Variants in SLX4 observed in about 807,000 individuals in gnomAD.
SLX4 encodes structure-specific endonuclease subunit SLX4.
In SLX4, 112 loss-of-function variants were observed where a neutral mutation model predicts 146.2. The observed-to-expected ratio is 0.77, with a 90% CI of 0.66 to 0.90. SLX4 has a LOEUF of 0.90. SLX4 is among the 40% of genes least tolerant of loss of function. SLX4 has a pLI of 0.00. For synonymous variants in SLX4, 1,061 were observed against 997.7 expected (o/e 1.06, Z -1.20); for missense variants, 2,563 against 2,392.7 (o/e 1.07, Z -1.49).
chr16:3,594,883 C>T (rs1432948756), intron 9 of SLX4, among the ~76,000 whole-genome samples: 1 of 152,178 alleles, frequency 6.6e-6, no homozygotes, highest in Non-Finnish European at 1.5e-5. Flanking sequence ...TGTGAACTCA[C>T]AGTGCTGGCA....
Position 3,581,455 on chromosome 16 carries a change from G to C in SLX4, c.*887C>G. ...CTGCTGGTAACAATGACAAGTGTCCGGGTAGCACGGCTGGGTCAGGAGAAC... is the reference window on the plus strand; with the variant it reads ...CTGCTGGTAACAATGACAAGTGTCCCGGTAGCACGGCTGGGTCAGGAGAAC... On this transcript the variant is annotated 3_prime_UTR_variant, in exon 15 of 15. Coordinates refer to ENST00000294008, the MANE Select transcript of SLX4 (RefSeq NM_032444.4). The C allele has an allele frequency of 6.5e-6, 1 of 153,068 alleles. No individual in the cohort carries two copies. The highest frequency in any genetic ancestry group is 2.4e-5 in the African/African-American group (1 of 41,580). 9.5% of individuals were successfully genotyped at this position (153,068 alleles called of 1,614,324 possible). A position where few individuals can be genotyped will look rare whatever the true frequency, so the allele number is the denominator to read the frequency against.
rs2040676632 is a variant in SLX4, at chr16:3,597,559, T to A, written c.1503A>T (p.Pro501=). 5 of 1,613,970 alleles carry A rather than the reference T, an allele frequency of 3.1e-6. No individual in the cohort carries two copies. The highest frequency in any genetic ancestry group is 4.2e-6 in the Non-Finnish European group (5 of 1,180,034). Residue 501 remains proline (P), a synonymous_variant, in exon 7 of 15, where the codon CCA becomes CCT. Coordinates refer to ENST00000294008, the MANE Select transcript of SLX4 (RefSeq NM_032444.4). This position sits in a 1 kb window ranked among gnomAD's most constrained non-coding sequence, Gnocchi z 4.4. The part of the protein sequence containing the change: ...LSEEVELSST[P]PLPASRILKE... ...TTAAAATCCTGCTGGCAGGAAGTGG[T>A]GGCGTGCTAGACAATTCCACTTCCT... is the stretch of plus-strand genomic sequence containing the variant.
chr16:3,590,841 C>A lies in SLX4; in HGVS notation c.2797G>T (p.Gly933Cys), dbSNP rs763053373. 1 of 1,614,098 alleles carries A rather than the reference C, an allele frequency of 6.2e-7. No homozygotes were observed. Among genetic ancestry groups the A allele is most frequent in the Non-Finnish European group, 8.5e-7 (1 of 1,180,006 alleles). The change falls in exon 12 of 15, where the codon GGC becomes TGC. Residue 933 changes from glycine (G) to cysteine (C), a missense_variant. Gly to Cys is a radical substitution (Grantham distance 159). Coordinates refer to ENST00000294008, the MANE Select transcript of SLX4 (RefSeq NM_032444.4). This position sits in a 1 kb window ranked among gnomAD's most constrained non-coding sequence, Gnocchi z 4.8. ...GCTCCCCGTGCCCCTGAGTGCTGGC[C>A]CTGGGGTGGCGGGAGAGCGCACTGT... is the stretch of plus-strand genomic sequence containing the variant. ...MGQCALPPPQGQHSGARGAEA... is the reference protein window; with the variant it reads ...MGQCALPPPQCQHSGARGAEA...
chr16:3,610,131 T>C (rs537335667), intron 1 of SLX4, among the ~76,000 whole-genome samples: 53 of 152,314 alleles, frequency 3.5e-4, no homozygotes, highest in African/African-American at 1.3e-3. Flanking sequence ...CACAGCTAAG[T>C]GGGGTTCAAA....
At chr16:3,604,317 GC>G (rs2040760291) in intron 3 of SLX4, among the ~76,000 whole-genome samples, 1 of 151,658 alleles carries the variant, frequency 6.6e-6, no homozygotes, top group Admixed American at 6.6e-5. Flanking sequence ...ACAGCAATAT[GC>G]AGTGTGTGAA....
chr16:3,601,024 A>C lies in SLX4; in HGVS notation c.1118T>G (p.Leu373Arg). 6.2e-7 allele frequency: 1 copy of C among 1,613,926 alleles called. No homozygotes were observed. The highest frequency in any genetic ancestry group is 8.5e-7 in the Non-Finnish European group (1 of 1,180,020). The change falls in exon 5 of 15, where the codon CTG becomes CGG. Residue 373 changes from leucine (L) to arginine (R), a missense_variant. Physicochemically the swap from Leu to Arg is moderately radical, Grantham distance 102. Coordinates refer to ENST00000294008, the MANE Select transcript of SLX4 (RefSeq NM_032444.4). ...GPQLLLQAVRLQTAQPEGSSS... is the reference protein window; with the variant it reads ...GPQLLLQAVRRQTAQPEGSSS... ...GCTACCCTCAGGCTGTGCTGTCTGC[A>C]GCCGCACAGCCTGAAGCAGGAGCTG... is the stretch of plus-strand genomic sequence containing the variant.
At position 3,597,714 on chromosome 16, in the gene SLX4, G is replaced by A. The variant is rs775465966; in HGVS notation, c.1367-19C>T. On this transcript the variant is annotated intron_variant, in intron 6 of 14. Coordinates refer to ENST00000294008, the MANE Select transcript of SLX4 (RefSeq NM_032444.4). This position sits in a 1 kb window ranked among gnomAD's most constrained non-coding sequence, Gnocchi z 4.4. Reference sequence around the variant, plus strand: ...TTATTCTCTAGAGAGAAACAAAAGCGACACCATCAACGGTGGAGTCGGTCC... The same window carrying A: ...TTATTCTCTAGAGAGAAACAAAAGCAACACCATCAACGGTGGAGTCGGTCC... The A allele has an allele frequency of 5.2e-5, 84 of 1,613,892 alleles. 1 individual carries two copies. The South Asian group carries it at 8.1e-4, about 16-fold the overall frequency.
chr16:3,582,573 G>C lies in SLX4; in HGVS notation c.5274C>G (p.Cys1758Trp), dbSNP rs2040451521. 2 of 1,613,698 alleles carry C rather than the reference G, an allele frequency of 1.2e-6. No individual in the cohort carries two copies. Among genetic ancestry groups the C allele is most frequent in the Non-Finnish European group, 8.5e-7 (1 of 1,180,036 alleles). The change falls in exon 15 of 15, where the codon TGC (cysteine) becomes TGG (tryptophan). Residue 1758 changes from cysteine (C) to tryptophan (W), a missense_variant. Transcript: ENST00000294008. ...ACAGGGCCGGCTTGGAGCGGATGTA[G>C]CACCTCAGCGCCTCGTCTGTGTCCG... The part of the protein sequence containing the change: ...QAADTDEALR[C>W]YIRSKPALYQ...
At chr16:3,592,394 T>C (rs1162955354) in intron 11 of SLX4, among the ~76,000 whole-genome samples, 1 of 152,126 alleles carries the variant, frequency 6.6e-6, no homozygotes, top group Non-Finnish European at 1.5e-5. Flanking sequence ...GCAGCAGTGT[T>C]GGGGGGCGCT....
intron 7 of SLX4, among the ~76,000 whole-genome samples, chr16:3,596,705 C>A (rs913147874): frequency 6.6e-6 from 1 of 152,232 alleles, no homozygotes; most frequent in African/African-American, 2.4e-5. Context: ...TCCAAGCTGC[C>A]TCAGGCAGCT....
At chr16:3,607,958 G>C (rs1006358941) in intron 2 of SLX4, among the ~76,000 whole-genome samples, 2 of 152,232 alleles carry the variant, frequency 1.3e-5, no homozygotes, top group African/African-American at 2.4e-5. Context: ...AATTCTGAAA[G>C]AGCAGAGGAC....
rs142205392 is a variant in SLX4, at chr16:3,589,581, G to T, written c.4057C>A (p.His1353Asn). Residue 1353 changes from histidine (H) to asparagine (N), a missense_variant, in exon 12 of 15, where the codon CAC becomes AAC. His to Asn is a moderately conservative substitution (Grantham distance 68, BLOSUM62 1). Transcript: ENST00000294008. The surrounding 1 kb of genome is among the most constrained non-coding windows in gnomAD (Gnocchi z 6.2). ...GGATGTGGAGCCAGCGGAGAGGAGT[G>T]CGGGTGGCCCCCGGGGTGGGGACGG... ...PSRPHPGGHPHSSPLAPHPIS... is the reference protein window; with the variant it reads ...PSRPHPGGHPNSSPLAPHPIS... 1,102 of 1,613,234 alleles carry T rather than the reference G, an allele frequency of 6.8e-4. 1 individual carries two copies. The highest frequency in any genetic ancestry group is 8.8e-4 in the Non-Finnish European group (1,040 of 1,179,898).
At chr16:3,611,402 C>T (rs1489230361) in intron 1 of SLX4, among the ~76,000 whole-genome samples, 158 bp downstream of exon 1, 1 of 152,262 alleles carries the variant, frequency 6.6e-6, no homozygotes, top group Non-Finnish European at 1.5e-5. Context: ...CGGCTCCTGC[C>T]TCTCCGTCGG....
chr16:3,608,558 G>C lies in SLX4; in HGVS notation c.407C>G (p.Ser136Cys), dbSNP rs2151139266. The C allele has an allele frequency of 6.2e-7, 1 of 1,614,222 alleles. No individual in the cohort carries two copies. Among genetic ancestry groups the C allele is most frequent in the South Asian group, 1.1e-5 (1 of 91,086 alleles). Reference sequence around the variant, plus strand: ...AAGCACACCCCCCTCCCCATTCACAGAGTGGGCCGGTTCACTTGCTTGCCA... The same window carrying C: ...AAGCACACCCCCCTCCCCATTCACACAGTGGGCCGGTTCACTTGCTTGCCA... Reference protein sequence around the residue: ...TKWQASEPAHSVNGEGGVLAS... With the variant: ...TKWQASEPAHCVNGEGGVLAS... Residue 136 changes from serine to cysteine, a missense_variant, in exon 2 of 15, where the codon TCT becomes TGT. Ser to Cys is a moderately radical substitution (Grantham distance 112). Coordinates refer to ENST00000294008, the MANE Select transcript of SLX4 (RefSeq NM_032444.4).
Position 3,594,430 on chromosome 16 carries a change from C to T in SLX4, c.2160+23G>A, listed in dbSNP as rs116556108. 2,530 of 1,604,696 alleles carry T rather than the reference C, an allele frequency of 1.6e-3. 32 individuals carry two copies. In the African/African-American group the frequency reaches 0.03, roughly 19 times the overall value. Reference sequence around the variant, plus strand: ...GAGAGGGAGAGAGAGGAAAGGAGGGCACACGGCAGCCCACGTACTTACATA... The same window carrying T: ...GAGAGGGAGAGAGAGGAAAGGAGGGTACACGGCAGCCCACGTACTTACATA... On this transcript the variant is annotated intron_variant, in intron 10 of 14. Transcript: ENST00000294008.
chr16:3,592,249 T>C (rs2040601969), intron 11 of SLX4, among the ~76,000 whole-genome samples: 3 of 152,246 alleles, frequency 2.0e-5, no homozygotes, highest in Admixed American at 2.0e-4. Context: ...GCTGCCTCTC[T>C]CCTAAGATGC....
chr16:3,585,377 G>C (rs1032727675), intron 12 of SLX4, among the ~76,000 whole-genome samples: 3 of 152,144 alleles, frequency 2.0e-5, no homozygotes, highest in African/African-American at 7.2e-5. Context: ...ACGAGGTCAG[G>C]AGATCGAGAC....
In SLX4 at chr16:3,606,536, A is replaced by G. The variant is rs2151137818; in HGVS notation, c.698T>C (p.Leu233Pro). The G allele has an allele frequency of 6.2e-7, 1 of 1,614,158 alleles. No homozygotes were observed. The highest frequency in any genetic ancestry group is 8.5e-7 in the Non-Finnish European group (1 of 1,180,024). ...RLRHASEECS[L>P]EAAREENVPK... ...GACATTTTCTTCCCGCGCAGCCTCG[A>G]GGGAGCACTCTTCTGAAGCGTGTCT... The change falls in exon 3 of 15, where the codon CTC (leucine) becomes CCC (proline). Residue 233 changes from leucine to proline, a missense_variant. Physicochemically the swap from Leu to Pro is moderately conservative, Grantham distance 98. Transcript: ENST00000294008.
Position 3,609,172 on chromosome 16 carries a change from G to A in SLX4, c.-208C>T. On this transcript the variant is annotated 5_prime_UTR_variant, in exon 2 of 15. Transcript: ENST00000294008. ...TAATCCCAGCTCTTTTGGAGGACGA[G>A]GCGGGGGGTGGATCACCTGAGGTCA... is the stretch of plus-strand genomic sequence containing the variant. The A allele has an allele frequency of 1.9e-6, 1 of 535,964 alleles. No individual in the cohort carries two copies. Among genetic ancestry groups the A allele is most frequent in the Non-Finnish European group, 3.3e-6 (1 of 300,992 alleles). The allele number at this position is 535,964 out of a possible 1,614,324, so 33.2% of individuals were successfully genotyped here. A position where few individuals can be genotyped will look rare whatever the true frequency, so the allele number is the denominator to read the frequency against.
Sources: gnomAD v4.1 joint callset for allele counts (sites outside exome capture counted in the v4.1 genomes callset) on GRCh38, gnomAD v4.1.1 for gene constraint, Gnocchi (gnomAD v3.1) non-coding constraint, MANE v1.5 for transcripts, NCBI Gene and HGNC (gene_info 2026-07-23, HGNC 2026-07-21) for gene names.